Variants in PNPLA8 observed in about 807,000 individuals in gnomAD.
PNPLA8 encodes the protein patatin like domain 8, phospholipase A2, also known as calcium-independent phospholipase A2-gamma.
In PNPLA8, 39 loss-of-function variants were observed where a neutral mutation model predicts 76.9. The observed-to-expected ratio is 0.51, with a 90% CI of 0.39 to 0.66. PNPLA8 has a LOEUF of 0.66. Ranked by LOEUF, PNPLA8 falls within the 30% of genes least tolerant of loss-of-function variation. The pLI, the probability that PNPLA8 is intolerant of heterozygous loss-of-function variation, is 0.00. For missense variants in PNPLA8, 887 were observed against 918.0 expected (o/e 0.97, Z 0.44); for synonymous variants, 301 against 307.9 (o/e 0.98, Z 0.24).
At chr7:108,481,305 T>C (rs1172838187) in intron 9 of PNPLA8, among the ~76,000 whole-genome samples, 1 of 152,196 alleles carries the variant, frequency 6.6e-6, no homozygotes, top group African/African-American at 2.4e-5. Context: ...AAAGTGGTTG[T>C]CCATTTTGCG....
At chr7:108,493,775 A>T (rs374672552) in intron 7 of PNPLA8, among the ~76,000 whole-genome samples, 110 of 150,390 alleles carry the variant, frequency 7.3e-4, no homozygotes, top group African/African-American at 2.7e-3. Flanking sequence ...TTCCATCCAA[A>T]TACCAGTGGA....
intron 1 of PNPLA8, among the ~76,000 whole-genome samples, chr7:108,522,288 C>T (rs12705474): frequency 0.099 from 14,823 of 149,080 alleles, 767 homozygotes; most frequent in Non-Finnish European, 0.1. Flanking sequence ...AGCGAGACTC[C>T]CTCTCAAAAA....
At chr7:108,507,815 A>G (rs553446187) in intron 4 of PNPLA8, among the ~76,000 whole-genome samples, 2,648 of 151,730 alleles carry the variant, frequency 0.017, 82 homozygotes, top group African/African-American at 0.06. Context: ...ACATCAAAAA[A>G]CTTATCCACC....
At chr7:108,485,021 A>T (rs778845921) in intron 9 of PNPLA8, among the ~76,000 whole-genome samples, 44 of 152,196 alleles carry the variant, frequency 2.9e-4, no homozygotes, top group Non-Finnish European at 5.4e-4. Flanking sequence ...AAAATTTCAT[A>T]ATTTATTTAT....
intron 4 of PNPLA8, chr7:108,510,189 A>G (rs1033591649): frequency 4.1e-5 from 37 of 911,608 alleles, no homozygotes; most frequent in African/African-American, 1.5e-4. Context: ...AAAAAAAAAA[A>G]AAAGAAAGAA....
chr7:108,486,508 G>A (rs1184714261), intron 9 of PNPLA8, among the ~76,000 whole-genome samples: 1 of 151,976 alleles, frequency 6.6e-6, no homozygotes, highest in Non-Finnish European at 1.5e-5. Flanking sequence ...GGCAAGAAGG[G>A]GAAGTGCCTT....
intron 2 of PNPLA8, 129 bp from the exon 3 acceptor site, chr7:108,515,703 T>C (rs1431384922): frequency 8.1e-6 from 3 of 371,828 alleles, no homozygotes; most frequent in East Asian, 4.5e-5. Context: ...ATTCCTATTA[T>C]AGCTGATAGA....
chr7:108,526,156 A>G, upstream of PNPLA8: 1 of 903,948 alleles, frequency 1.1e-6, no homozygotes, highest in Non-Finnish European at 1.3e-6. Context: ...CTAGGTCGCC[A>G]CCCACTCAGC....
chr7:108,493,877 C>A (rs1258782130), intron 7 of PNPLA8, among the ~76,000 whole-genome samples: 4 of 151,660 alleles, frequency 2.6e-5, no homozygotes, highest in Admixed American at 2.6e-4. Flanking sequence ...ATTTGCTATG[C>A]TGTATCATTA....
At chr7:108,511,120 G>A (rs924801229) in intron 4 of PNPLA8, 3 of 606,436 alleles carry the variant, frequency 4.9e-6, no homozygotes, top group Admixed American at 3.3e-5. Context: ...TGTAAAATTT[G>A]TAAAATTTGC....
chr7:108,520,225 G>A (rs1190749949), intron 2 of PNPLA8, among the ~76,000 whole-genome samples: 3 of 152,158 alleles, frequency 2.0e-5, no homozygotes, highest in African/African-American at 4.8e-5. Flanking sequence ...TCCCTACAAG[G>A]CTCTTCTGAA....
In PNPLA8 at chr7:108,487,915, T is replaced by C. The variant is rs1476331462; in HGVS notation, c.1722A>G (p.Thr574=). The change falls in exon 9 of 11, where the codon ACA becomes ACG. Residue 574 remains threonine (T), a synonymous_variant. Coordinates refer to ENST00000257694, the MANE Select transcript of PNPLA8 (RefSeq NM_001256007.3). ...AVSTIVNRGI[T]PKAFVFRNYG... is the part of the protein sequence containing the mutation. ...AGTTTCTGAACACAAAAGCTTTGGG[T>C]GTTATCCCTCTATTTACTATGGTAC... The C allele has an allele frequency of 9.9e-6, 16 of 1,613,338 alleles. No individual in the cohort carries two copies. Among genetic ancestry groups the C allele is most frequent in the Admixed American group, 1.7e-5 (1 of 59,982 alleles).
intron 8 of PNPLA8, among the ~76,000 whole-genome samples, chr7:108,488,680 C>T (rs1208036348): frequency 1.3e-5 from 2 of 152,180 alleles, no homozygotes; most frequent in East Asian, 3.8e-4. Context: ...ACTTCAATAA[C>T]TCTGAAATGT....
chr7:108,520,951 A>G (rs1863691830), intron 2 of PNPLA8, among the ~76,000 whole-genome samples: 1 of 152,172 alleles, frequency 6.6e-6, no homozygotes, highest in African/African-American at 2.4e-5. Flanking sequence ...CAAAGTCAAC[A>G]GTAAAAAATC....
At chr7:108,492,693 A>T (rs1182004747) in intron 7 of PNPLA8, among the ~76,000 whole-genome samples, 3 of 152,174 alleles carry the variant, frequency 2.0e-5, no homozygotes, top group Non-Finnish European at 4.4e-5. Flanking sequence ...TTATCACAGC[A>T]AAATAAATAA....
chr7:108,502,909 A>G lies in PNPLA8; in HGVS notation c.1207-267T>C, dbSNP rs1349862763. ...GTAATACTTAACTAGAGAAAATATA[A>G]TTTATAGAAATTTACAAATTATTAT... On this transcript the variant is annotated intron_variant, in intron 4 of 10. Transcript: ENST00000257694. The G allele has an allele frequency of 1.3e-5, 3 of 227,410 alleles. No homozygotes were observed. The East Asian group carries it at 2.8e-4, about 21-fold the overall frequency. 14.1% of individuals were successfully genotyped at this position (227,410 alleles called of 1,614,324 possible). A position where few individuals can be genotyped will look rare whatever the true frequency, so the allele number is the denominator to read the frequency against.
intron 8 of PNPLA8, among the ~76,000 whole-genome samples, chr7:108,488,949 C>T (rs1476401328): frequency 6.6e-6 from 1 of 152,182 alleles, no homozygotes; most frequent in Non-Finnish European, 1.5e-5. Flanking sequence ...GGTCACATGC[C>T]AAATTCCTGT....
At chr7:108,486,442 C>G (rs1268082905) in intron 9 of PNPLA8, among the ~76,000 whole-genome samples, 2 of 151,940 alleles carry the variant, frequency 1.3e-5, no homozygotes, top group African/African-American at 4.8e-5. Flanking sequence ...AAATCAGTAT[C>G]AGAAACTCAG....
intron 10 of PNPLA8, among the ~76,000 whole-genome samples, chr7:108,475,663 C>A (rs1201533289): frequency 6.6e-6 from 1 of 152,126 alleles, no homozygotes; most frequent in Non-Finnish European, 1.5e-5. Flanking sequence ...TCCTTGGCCT[C>A]CTTGAACTGC....
Sources: gnomAD v4.1 joint callset for allele counts (sites outside exome capture counted in the v4.1 genomes callset) on GRCh38, gnomAD v4.1.1 for gene constraint, MANE v1.5 for transcripts, NCBI Gene and HGNC (gene_info 2026-07-23, HGNC 2026-07-21) for gene names.